ZFHX4: variants seen among roughly 807,000 people sequenced by gnomAD.
The protein encoded by ZFHX4 is zinc finger homeobox protein 4.
A neutral mutation model predicts 267.6 loss-of-function variants in ZFHX4; 56 were observed. The observed-to-expected ratio is 0.21, with a 90% confidence interval of 0.17 to 0.26. ZFHX4 has a LOEUF of 0.26. Ranked by LOEUF, ZFHX4 falls within the 10% of genes least tolerant of loss-of-function variation. The pLI is 1.00. For missense variants in ZFHX4, 4,332 were observed against 4,420.0 expected (o/e 0.98, Z 0.56); for synonymous variants, 1,778 against 1,665.6 (o/e 1.07, Z -1.64).
At chr8:76,707,187 C>T (rs1289108247) in intron 2 of ZFHX4, among the ~76,000 whole-genome samples, 1 of 152,176 alleles carries the variant, frequency 6.6e-6, no homozygotes, top group Non-Finnish European at 1.5e-5. Context: ...TTAGCCAAAT[C>T]TCATCAAGCT....
chr8:76,760,972 C>T (rs2131729464), intron 3 of ZFHX4, among the ~76,000 whole-genome samples: 1 of 149,902 alleles, frequency 6.7e-6, no homozygotes, highest in East Asian at 2.0e-4. Flanking sequence ...GTTAGCCTGG[C>T]TCTCTATTGA....
At chr8:76,824,788 C>T (rs372982479) in intron 4 of ZFHX4, among the ~76,000 whole-genome samples, 23 of 152,046 alleles carry the variant, frequency 1.5e-4, no homozygotes, top group African/African-American at 5.6e-4. Context: ...TGCCAGGCTG[C>T]TCTCGAACTC....
At chr8:76,698,302 A>G (rs114427100) in intron 1 of ZFHX4, among the ~76,000 whole-genome samples, 2,116 of 152,256 alleles carry the variant, frequency 0.014, 56 homozygotes, top group African/African-American at 0.047. Flanking sequence ...AACAAATAAA[A>G]TGAGTCATAT....
intron 4 of ZFHX4, among the ~76,000 whole-genome samples, chr8:76,810,112 A>G (rs1376317957): frequency 6.6e-6 from 1 of 152,192 alleles, no homozygotes; most frequent in African/African-American, 2.4e-5. Context: ...TAGTTTTAAC[A>G]TTTGTTATTC....
chr8:76,758,337 A>G (rs1357267571), intron 3 of ZFHX4, among the ~76,000 whole-genome samples: 1 of 152,180 alleles, frequency 6.6e-6, no homozygotes, highest in Non-Finnish European at 1.5e-5. Flanking sequence ...CTCAAAATAA[A>G]GAAACATGCG....
chr8:76,774,450 AT>A, intron 3 of ZFHX4, among the ~76,000 whole-genome samples: 1 of 152,258 alleles, frequency 6.6e-6, no homozygotes, highest in Middle Eastern at 3.4e-3. Flanking sequence ...GTTTACTCTA[AT>A]TTAGATGTTT....
intron 3 of ZFHX4, among the ~76,000 whole-genome samples, chr8:76,764,555 A>C (rs1460871733): frequency 6.6e-6 from 1 of 152,218 alleles, no homozygotes; most frequent in Non-Finnish European, 1.5e-5. Flanking sequence ...ATTTAAGCAA[A>C]GCATTGATCT....
chr8:76,863,433 C>T lies in ZFHX4; in HGVS notation c.9719C>T (p.Pro3240Leu), dbSNP rs759697269. The change falls in exon 11 of 11, where the codon CCT (proline) becomes CTT (leucine). Residue 3240 changes from proline (P) to leucine (L), a missense_variant. Around this residue, in one of 7 missense-constraint regions of ZFHX4, gnomAD observed 1,648 missense variants for 1,625.0 expected, o/e 1.01. Transcript: ENST00000651372. ...GKVVGETHVD[P>L]IQLQALQNAI... ...GTTGTAGGTGAAACACATGTCGATC[C>T]TATTCAGTTGCAGGCATTACAGAAT... 1.4e-5 allele frequency: 22 copies of T among 1,613,828 alleles called. No individual in the cohort carries two copies. The highest frequency in any genetic ancestry group is 1.8e-5 in the Non-Finnish European group (21 of 1,179,864).
chr8:76,864,080 A>G lies in ZFHX4; in HGVS notation c.10366A>G (p.Ile3456Val), dbSNP rs1285288344. ...TCAGTGTCTTGCCTGTGATGTGGCT[A>G]TCAGTGGGAATGAAGCACTTAGCCA... Reference protein sequence around the residue: ...KYQCLACDVAISGNEALSQHL... With the variant: ...KYQCLACDVAVSGNEALSQHL... Residue 3456 changes from isoleucine to valine, a missense_variant, in exon 11 of 11, where the codon ATC (isoleucine) becomes GTC (valine). Ile to Val is a conservative substitution (Grantham distance 29, BLOSUM62 3). Around this residue, in one of 7 missense-constraint regions of ZFHX4, gnomAD observed 1,648 missense variants for 1,625.0 expected, o/e 1.01. Coordinates refer to ENST00000651372, the MANE Select transcript of ZFHX4 (RefSeq NM_024721.5). 4.3e-6 allele frequency: 7 copies of G among 1,613,858 alleles called. No individual in the cohort carries two copies. The highest frequency in any genetic ancestry group is 2.7e-5 in the African/African-American group (2 of 75,052).
chr8:76,713,082 A>G (rs1451000639), intron 3 of ZFHX4, among the ~76,000 whole-genome samples: 2 of 152,164 alleles, frequency 1.3e-5, no homozygotes, highest in Non-Finnish European at 2.9e-5. Context: ...AACTATGTCT[A>G]CTTCTGTTTT....
chr8:76,756,922 C>G (rs981759560), intron 3 of ZFHX4, among the ~76,000 whole-genome samples: 1 of 152,072 alleles, frequency 6.6e-6, no homozygotes, highest in Admixed American at 6.6e-5. Flanking sequence ...TATATATCCC[C>G]AAATTAATAT....
intron 1 of ZFHX4, among the ~76,000 whole-genome samples, chr8:76,694,146 G>T (rs1221668504): frequency 1.3e-5 from 2 of 152,132 alleles, no homozygotes; most frequent in Non-Finnish European, 2.9e-5. Flanking sequence ...AAACTCTATC[G>T]TGTACATAAC....
intron 1 of ZFHX4, among the ~76,000 whole-genome samples, chr8:76,692,159 G>A (rs1167498804): frequency 6.6e-6 from 1 of 151,918 alleles, no homozygotes; most frequent in African/African-American, 2.4e-5. Flanking sequence ...TTTTTAAGAA[G>A]CAAATTAGGA....
In ZFHX4 at chr8:76,853,910, A is replaced by G; in HGVS notation, c.6989A>G (p.His2330Arg). ...VFPRIFDLIT[H>R]QKKQCYKDED... ...CCCAGGATCTTTGACTTGATTACGCATCAGAAAAAGCAGTGTTACAAGGAT... is the reference window on the plus strand; with the variant it reads ...CCCAGGATCTTTGACTTGATTACGCGTCAGAAAAAGCAGTGTTACAAGGAT... Residue 2330 changes from histidine to arginine, a missense_variant, in exon 10 of 11, where the codon CAT becomes CGT. By Grantham distance (29) the His-to-Arg change is conservative. Coordinates refer to ENST00000651372, the MANE Select transcript of ZFHX4 (RefSeq NM_024721.5). 1 of 1,613,986 alleles carries G rather than the reference A, an allele frequency of 6.2e-7. No individual in the cohort carries two copies. The highest frequency in any genetic ancestry group is 8.5e-7 in the Non-Finnish European group (1 of 1,179,876).
intron 4 of ZFHX4, among the ~76,000 whole-genome samples, chr8:76,780,855 A>G (rs1810527662): frequency 6.6e-6 from 1 of 152,220 alleles, no homozygotes; most frequent in Admixed American, 6.5e-5. Context: ...ATTTGAAGTG[A>G]GACACATTCA....
intron 3 of ZFHX4, among the ~76,000 whole-genome samples, chr8:76,777,162 C>T (rs1310081530): frequency 6.6e-6 from 1 of 152,096 alleles, no homozygotes; most frequent in Non-Finnish European, 1.5e-5. Context: ...CTCTTTGTTG[C>T]TATTCTTATT....
At chr8:76,787,516 A>T (rs1241099537) in intron 4 of ZFHX4, among the ~76,000 whole-genome samples, 1 of 151,782 alleles carries the variant, frequency 6.6e-6, no homozygotes, top group Non-Finnish European at 1.5e-5. Context: ...AATATTACTG[A>T]AAGTGGCCAG....
At position 76,853,854 on chromosome 8, in the gene ZFHX4, G is replaced by T. The variant is rs765366811; in HGVS notation, c.6933G>T (p.Gln2311His). ...GGTACATTCGAACAAGCAACATGCA[G>T]TACCAGTGTAAAAAGTGCAATGTGG... The part of the protein sequence containing the change: ...NERYIRTSNM[Q>H]YQCKKCNVVF... Residue 2311 changes from glutamine to histidine, a missense_variant, in exon 10 of 11, where the codon CAG becomes CAT. By Grantham distance (24) the Gln-to-His change is conservative. This residue lies in a region of ZFHX4 where 1,648 missense variants were observed against 1,625.0 expected (regional missense o/e 1.01). Coordinates refer to ENST00000651372, the MANE Select transcript of ZFHX4 (RefSeq NM_024721.5). 6.2e-7 allele frequency: 1 copy of T among 1,613,938 alleles called. No homozygotes were observed. Among genetic ancestry groups the T allele is most frequent in the Non-Finnish European group, 8.5e-7 (1 of 1,179,868 alleles).
intron 3 of ZFHX4, among the ~76,000 whole-genome samples, chr8:76,716,965 G>C (rs539143672): frequency 4.6e-5 from 7 of 152,232 alleles, no homozygotes; most frequent in Admixed American, 4.6e-4. Context: ...CAGGTCACCA[G>C]GGTACCTCAG....
Sources: allele counts gnomAD v4.1 joint callset (sites outside exome capture counted in the v4.1 genomes callset), GRCh38; gene constraint gnomAD v4.1.1; regional missense constraint gnomAD v4.1.1; transcripts MANE v1.5; gene names NCBI Gene and HGNC (gene_info 2026-07-23, HGNC 2026-07-21).